FBXL20: variants seen among roughly 807,000 people sequenced by gnomAD.
The protein encoded by FBXL20 is F-box/LRR-repeat protein 20.
In FBXL20, 11 loss-of-function variants were observed where a neutral mutation model predicts 64.0. The observed-to-expected ratio is 0.17, with a 90% CI of 0.11 to 0.28. The LOEUF is 0.28. FBXL20 is among the 10% of genes least tolerant of loss of function. The probability of loss-of-function intolerance (pLI) is 1.00; values close to 1 mark genes in which losing one functional copy is unlikely to be tolerated. For missense variants in FBXL20, 303 were observed against 526.2 expected (o/e 0.58, Z 4.15); for synonymous variants, 184 against 189.0 (o/e 0.97, Z 0.22).
chr17:39,401,626 C>G lies in FBXL20; in HGVS notation c.-224G>C. On this transcript the variant is annotated 5_prime_UTR_variant, in exon 1 of 15. Transcript: ENST00000264658. ...TGCTCGTCGCTAGCTCGGCTCTCTC[C>G]TCAGCCTCAACTTCAACCCAAAACA... is the stretch of plus-strand genomic sequence containing the variant. The G allele has an allele frequency of 7.2e-7, 1 of 1,391,120 alleles. No homozygotes were observed. Among genetic ancestry groups the G allele is most frequent in the Non-Finnish European group, 9.3e-7 (1 of 1,080,650 alleles). 86.2% of individuals were successfully genotyped at this position (1,391,120 alleles called of 1,614,324 possible). A position where few individuals can be genotyped will look rare whatever the true frequency, so the allele number is the denominator to read the frequency against.
chr17:39,316,076 C>A (rs373992265), intron 2 of FBXL20, among the ~76,000 whole-genome samples: 2 of 151,938 alleles, frequency 1.3e-5, no homozygotes, highest in East Asian at 1.9e-4. Flanking sequence ...AGAGCAAGAT[C>A]CTATCTCTAA....
intron 1 of FBXL20, among the ~76,000 whole-genome samples, chr17:39,364,537 A>G (rs1052053072): frequency 3.9e-5 from 6 of 152,160 alleles, no homozygotes; most frequent in Non-Finnish European, 8.8e-5. Flanking sequence ...TGAGCCAGGG[A>G]AGGCAGAGGT....
chr17:39,317,021 C>G (rs1454722490), intron 2 of FBXL20, among the ~76,000 whole-genome samples: 1 of 152,086 alleles, frequency 6.6e-6, no homozygotes, highest in Non-Finnish European at 1.5e-5. Context: ...GAATAATTAA[C>G]CAAACATAAG....
chr17:39,330,636 T>C (rs1484777858), intron 2 of FBXL20, among the ~76,000 whole-genome samples: 1 of 152,004 alleles, frequency 6.6e-6, no homozygotes, highest in Non-Finnish European at 1.5e-5. Flanking sequence ...AATAAATAGA[T>C]TAATTAAATA....
At chr17:39,372,074 C>CCT (rs1278943541) in intron 1 of FBXL20, among the ~76,000 whole-genome samples, 2 of 152,166 alleles carry the variant, frequency 1.3e-5, no homozygotes, top group East Asian at 3.8e-4. Flanking sequence ...GTTTGACCCA[C>CCT]CTCTCTTCTG....
chr17:39,358,020 T>A (rs1464035916), intron 1 of FBXL20, among the ~76,000 whole-genome samples: 2 of 152,230 alleles, frequency 1.3e-5, no homozygotes, highest in East Asian at 3.8e-4. Flanking sequence ...TGAAGAGATT[T>A]ATTATAAGAA....
intron 2 of FBXL20, among the ~76,000 whole-genome samples, chr17:39,326,979 C>A (rs2047415278): frequency 6.6e-6 from 1 of 151,652 alleles, no homozygotes. Context: ...CTCACAGGCT[C>A]AAGTGATTGT....
chr17:39,263,726 C>T (rs2046767791), intron 14 of FBXL20: 4 of 161,068 alleles, frequency 2.5e-5, no homozygotes, highest in Admixed American at 1.8e-4. Context: ...AAGTCTATGT[C>T]TACTTTACTT....
chr17:39,355,758 G>A (rs1482125517), intron 1 of FBXL20, among the ~76,000 whole-genome samples: 1 of 150,822 alleles, frequency 6.6e-6, no homozygotes, highest in East Asian at 2.0e-4. Context: ...GGGAGGCTGA[G>A]GCAGGAGAAT....
chr17:39,302,119 A>G (rs1388134765), intron 3 of FBXL20, among the ~76,000 whole-genome samples: 4 of 152,128 alleles, frequency 2.6e-5, no homozygotes, highest in Non-Finnish European at 5.9e-5. Context: ...ATCTGGAAAA[A>G]TATGAAGGTA....
chr17:39,302,267 T>C (rs2047143066), intron 3 of FBXL20, among the ~76,000 whole-genome samples: 1 of 151,930 alleles, frequency 6.6e-6, no homozygotes. Flanking sequence ...TGGAGTGCAG[T>C]GGCTCAATCA....
chr17:39,386,008 AAC>A (rs2048075066), intron 1 of FBXL20, among the ~76,000 whole-genome samples: 1 of 131,878 alleles, frequency 7.6e-6, no homozygotes, highest in Admixed American at 7.5e-5. Context: ...CCAGCCTGAC[AAC>A]AGAGATTCCG....
At chr17:39,287,578 A>T (rs1407225200) in intron 6 of FBXL20, among the ~76,000 whole-genome samples, 5 of 151,954 alleles carry the variant, frequency 3.3e-5, no homozygotes, top group Admixed American at 6.6e-5. Context: ...AATTAAAAAA[A>T]TTTTTTTGTA....
chr17:39,300,112 C>G (rs1291469919), intron 4 of FBXL20, among the ~76,000 whole-genome samples: 1 of 152,152 alleles, frequency 6.6e-6, no homozygotes, highest in South Asian at 2.1e-4. Flanking sequence ...CAAACAAAAA[C>G]AAAAGCTTGC....
chr17:39,291,435 T>TC (rs1273320412), intron 6 of FBXL20, among the ~76,000 whole-genome samples: 7 of 143,012 alleles, frequency 4.9e-5, no homozygotes, highest in Non-Finnish European at 1.1e-4. Context: ...ACTTTTCTTT[T>TC]TTTTTTTTTT....
upstream of FBXL20, chr17:39,401,783 C>T: frequency 1.0e-6 from 1 of 986,308 alleles, no homozygotes; most frequent in Non-Finnish European, 1.2e-6. Context: ...CCCTCCCCCA[C>T]ACGGGGCCGG....
intron 1 of FBXL20, among the ~76,000 whole-genome samples, chr17:39,364,909 T>A (rs763625333): frequency 2.0e-4 from 30 of 152,204 alleles, no homozygotes; most frequent in Non-Finnish European, 4.1e-4. Context: ...TCAGGCTGCA[T>A]AATGAATTGT....
chr17:39,356,331 G>A (rs959710791), intron 1 of FBXL20, among the ~76,000 whole-genome samples: 2 of 151,618 alleles, frequency 1.3e-5, no homozygotes, highest in South Asian at 2.1e-4. Context: ...TCATCTGTCT[G>A]CATGCAGATA....
At chr17:39,283,405 T>C (rs2046963999) in intron 7 of FBXL20, among the ~76,000 whole-genome samples, 1 of 152,034 alleles carries the variant, frequency 6.6e-6, no homozygotes, top group African/African-American at 2.4e-5. Context: ...ACTCAAAAAG[T>C]TTGGGATTTT....
Sources: gnomAD v4.1 joint callset for allele counts (sites outside exome capture counted in the v4.1 genomes callset) on GRCh38, gnomAD v4.1.1 for gene constraint, MANE v1.5 for transcripts, NCBI Gene and HGNC (gene_info 2026-07-23, HGNC 2026-07-21) for gene names.